Variants in TNRC6A observed in about 807,000 individuals in gnomAD.
TNRC6A encodes the protein trinucleotide repeat containing adaptor 6A, also known as trinucleotide repeat-containing gene 6A protein.
Under a neutral mutation model 221.2 loss-of-function variants are expected in TNRC6A, and 44 were observed. The observed-to-expected ratio is 0.20, with a 90% CI of 0.16 to 0.26. The LOEUF is 0.26. Among genes scored for constraint, TNRC6A ranks in the 10% least tolerant of loss-of-function variants. The probability of loss-of-function intolerance (pLI) is 1.00; values close to 1 mark genes in which losing one functional copy is unlikely to be tolerated. For missense variants in TNRC6A, 2,199 were observed against 2,404.4 expected, an observed-to-expected ratio of 0.91 and a Z score of 1.79; for synonymous variants, 847 against 838.5, an observed-to-expected ratio of 1.01 and a Z score of -0.18.
At chr16:24,778,311 CTGTACAT>C in intron 5 of TNRC6A, 2 of 985,100 alleles carry the variant, frequency 2.0e-6, no homozygotes, top group Non-Finnish European at 2.4e-6. Context: ...AAGAACTACT[CTGTACAT>C]TGTAATATAT....
intron 17 of TNRC6A, 82 bp downstream of exon 17, chr16:24,806,866 T>C: frequency 7.7e-7 from 1 of 1,291,144 alleles, no homozygotes; most frequent in African/African-American, 1.5e-5. Context: ...CTTACAGCTC[T>C]GTTCCTTCAT....
intron 2 of TNRC6A, among the ~76,000 whole-genome samples, chr16:24,686,255 G>C (rs2055623625): frequency 6.6e-6 from 1 of 152,130 alleles, no homozygotes; most frequent in African/African-American, 2.4e-5. Context: ...GGGCTCTGGG[G>C]CAGTTCACTT....
In TNRC6A at chr16:24,649,051, C is replaced by T. The variant is rs111403278; in HGVS notation, n.402+8042C>T. Among the ~76,000 whole-genome samples the T allele has an allele frequency of 1.1e-3, 171 of 151,836 alleles. 3 individuals carry two copies. The highest frequency in any genetic ancestry group is 5.8e-3 in the East Asian group (30 of 5,150). On this transcript the variant is annotated intron_variant and non_coding_transcript_variant, in intron 2 of 2. Coordinates refer to the TNRC6A transcript ENST00000566108. Reference sequence around the variant, plus strand: ...ATCTCAACACTTTGGGGGACTGAGGCGGGAGGATCGCTTGAGCCCAGGAGT... The same window carrying T: ...ATCTCAACACTTTGGGGGACTGAGGTGGGAGGATCGCTTGAGCCCAGGAGT...
rs2058404780 is a variant in TNRC6A at position 24,805,159 on chromosome 16, A to AAT, written c.4122+8_4122+9insAT. ...CCATTACTCTCCCCTCAGGTAAATA[A>AAT]GCTTTCCTTACATTCTCCTGTTTAC... On this transcript the variant is annotated intron_variant, in intron 14 of 24. Transcript: ENST00000395799. 1 of 1,613,818 alleles carries AAT rather than the reference A, an allele frequency of 6.2e-7. No homozygotes were observed. Among genetic ancestry groups the AAT allele is most frequent in the African/African-American group, 1.3e-5 (1 of 75,022 alleles).
intron 18 of TNRC6A, among the ~76,000 whole-genome samples, chr16:24,812,099 A>C (rs985570529): frequency 8.4e-6 from 1 of 119,672 alleles, no homozygotes; most frequent in Admixed American, 1.2e-4. Context: ...CCCAGGCTGG[A>C]GTGCAGTGAT....
At chr16:24,739,318 A>G (rs954972160) in intron 2 of TNRC6A, among the ~76,000 whole-genome samples, 2 of 152,108 alleles carry the variant, frequency 1.3e-5, no homozygotes, top group African/African-American at 2.4e-5. Flanking sequence ...GGCCATTCGT[A>G]TATCTGATCT....
chr16:24,757,066 T>C (rs1017528630), intron 3 of TNRC6A, among the ~76,000 whole-genome samples: 1 of 152,226 alleles, frequency 6.6e-6, no homozygotes, highest in Non-Finnish European at 1.5e-5. Flanking sequence ...TAAAAATGAT[T>C]TTCCCAGAAA....
In TNRC6A at chr16:24,765,298, A is replaced by C. The variant is rs564976225; in HGVS notation, c.163+6938A>C. Reference sequence around the variant, plus strand: ...TTTGTAACTTCAAGCATGTAACCTAATGATACACAGAGAAAATGATACTTG... The same window carrying C: ...TTTGTAACTTCAAGCATGTAACCTACTGATACACAGAGAAAATGATACTTG... On this transcript the variant is annotated intron_variant, in intron 4 of 24. Coordinates refer to ENST00000395799, the MANE Select transcript of TNRC6A (RefSeq NM_014494.4). Among the ~76,000 whole-genome samples the C allele has an allele frequency of 5.9e-5, 9 of 152,334 alleles. No homozygotes were observed. In the South Asian group the frequency reaches 1.9e-3, roughly 32 times the overall value.
chr16:24,777,462 A>G (rs2057750541), intron 5 of TNRC6A, 104 bp downstream of exon 5: 1 of 1,150,166 alleles, frequency 8.7e-7, no homozygotes, highest in South Asian at 1.5e-5. Context: ...ATTCATCAGT[A>G]TGTGGGCTTT....
At chr16:24,752,417 G>C (rs770425045) in intron 3 of TNRC6A, among the ~76,000 whole-genome samples, 5 of 152,192 alleles carry the variant, frequency 3.3e-5, no homozygotes, top group Non-Finnish European at 7.3e-5. Context: ...TATGAGATGA[G>C]AGGAGATGAT....
intron 1 of TNRC6A, among the ~76,000 whole-genome samples, chr16:24,625,036 A>G (rs776904385): frequency 7.9e-5 from 12 of 152,354 alleles, no homozygotes; most frequent in Non-Finnish European, 1.8e-4. Context: ...ATAAAAGACC[A>G]GAAATCATAG....
chr16:24,704,420 C>T (rs1049259852), intron 2 of TNRC6A, among the ~76,000 whole-genome samples: 3 of 151,956 alleles, frequency 2.0e-5, no homozygotes, highest in Non-Finnish European at 2.9e-5. Flanking sequence ...TGGCTCACGC[C>T]TGTAATCCAG....
intron 6 of TNRC6A, among the ~76,000 whole-genome samples, chr16:24,792,504 G>C (rs2058124820): frequency 6.7e-6 from 1 of 148,484 alleles, no homozygotes; most frequent in South Asian, 2.2e-4. Flanking sequence ...TTTTTTTTTA[G>C]TCTAAGTATA....
intron 21 of TNRC6A, 26 bp downstream of exon 21, chr16:24,818,726 G>A: frequency 6.3e-7 from 1 of 1,578,934 alleles, no homozygotes; most frequent in Non-Finnish European, 8.7e-7. Context: ...GCTCAGGAAG[G>A]GAGGGTTGGT....
At chr16:24,663,964 G>C (rs1009210602) in intron 2 of TNRC6A, 24 of 456,536 alleles carry the variant, frequency 5.3e-5, no homozygotes, top group African/African-American at 4.6e-4. Flanking sequence ...CTTCCTCTGA[G>C]ATGTGCAGGG....
intron 2 of TNRC6A, chr16:24,663,052 T>C (rs1442500840): frequency 6.5e-6 from 1 of 153,686 alleles, no homozygotes; most frequent in East Asian, 1.9e-4. Context: ...TCTCAGTGTG[T>C]TCAGAACTGC....
rs192455758 is a variant in TNRC6A at position 24,783,209 on chromosome 16, A to G, written c.589+5851A>G. ...AGTGGTGCGATCTCTGCTCACTGCA[A>G]CCTCCGCCTCCTGGGTTCAAGCAAT... On this transcript the variant is annotated intron_variant, in intron 5 of 24. Transcript: ENST00000395799. Among the ~76,000 whole-genome samples, 56 of 151,822 alleles carry G rather than the reference A, an allele frequency of 3.7e-4. 1 individual carries two copies. In the East Asian group the frequency reaches 0.01, roughly 28 times the overall value.
At chr16:24,766,822 G>A (rs1258440434) in intron 4 of TNRC6A, among the ~76,000 whole-genome samples, 2 of 151,642 alleles carry the variant, frequency 1.3e-5, no homozygotes, top group Non-Finnish European at 2.9e-5. Flanking sequence ...GATTACAGGC[G>A]CCTGCCACCA....
At chr16:24,626,818 T>A (rs1382542345) in intron 1 of TNRC6A, among the ~76,000 whole-genome samples, 1 of 151,590 alleles carries the variant, frequency 6.6e-6, no homozygotes, top group East Asian at 1.9e-4. Context: ...CCCGGCTAAT[T>A]TTTTTGTACT....
Sources: allele counts gnomAD v4.1 joint callset (sites outside exome capture counted in the v4.1 genomes callset), GRCh38; gene constraint gnomAD v4.1.1; transcripts MANE v1.5; gene names NCBI Gene and HGNC (gene_info 2026-07-23, HGNC 2026-07-21).